Variants in XKR6 observed in about 807,000 individuals in gnomAD.
The protein encoded by XKR6 is XK-related protein 6.
XKR6 carries 22 observed loss-of-function variants against 56.7 expected under a neutral mutation model. The ratio of observed to expected loss-of-function variants is 0.39; its 90% CI spans 0.28 to 0.55. The LOEUF (loss-of-function observed/expected upper bound fraction) is 0.55. Among genes scored for constraint, XKR6 ranks in the 20% least tolerant of loss-of-function variants. XKR6 has a pLI of 0.66. For synonymous variants in XKR6, 524 were observed against 387.8 expected (o/e 1.35, Z -4.13); for missense variants, 852 against 889.0 (o/e 0.96, Z 0.53).
At chr8:11,197,373 A>G (rs1180134700) in intron 1 of XKR6, among the ~76,000 whole-genome samples, 1 of 152,248 alleles carries the variant, frequency 6.6e-6, no homozygotes, top group Non-Finnish European at 1.5e-5. Context: ...AGAAAGGACA[A>G]TAGCAGAAAG....
intron 2 of XKR6, among the ~76,000 whole-genome samples, chr8:10,913,777 G>T (rs982690530): frequency 1.3e-5 from 2 of 152,198 alleles, no homozygotes; most frequent in South Asian, 4.1e-4. Context: ...TGACAGGAAG[G>T]CTGCAGAGGT....
chr8:11,098,884 A>G (rs1381295841), intron 1 of XKR6, among the ~76,000 whole-genome samples: 2 of 152,192 alleles, frequency 1.3e-5, no homozygotes, highest in Non-Finnish European at 2.9e-5. Flanking sequence ...TGCATCTTGG[A>G]AACTTCTGGA....
At chr8:10,997,546 T>C (rs576533938) in intron 1 of XKR6, among the ~76,000 whole-genome samples, 14 of 152,140 alleles carry the variant, frequency 9.2e-5, no homozygotes, top group Non-Finnish European at 1.6e-4. Context: ...ATGTACAGAG[T>C]TTCTCCTTAC....
chr8:11,102,469 G>C (rs1798519395), intron 1 of XKR6, among the ~76,000 whole-genome samples: 1 of 152,162 alleles, frequency 6.6e-6, no homozygotes, highest in South Asian at 2.1e-4. Context: ...AGCTCTCTGA[G>C]AAGACAATTT....
chr8:11,186,973 G>C lies in XKR6; in HGVS notation c.764+13603C>G, dbSNP rs150811976. Among the ~76,000 whole-genome samples, 81 of 152,208 alleles carry C rather than the reference G, an allele frequency of 5.3e-4. No individual in the cohort carries two copies. The East Asian group carries it at 0.015, about 29-fold the overall frequency. Reference sequence around the variant, plus strand: ...CCCAATCACCCTTCAAAAAGAAAGAGAAAAAAACCATGAAAACAGATTGTT... The same window carrying C: ...CCCAATCACCCTTCAAAAAGAAAGACAAAAAAACCATGAAAACAGATTGTT... On this transcript the variant is annotated intron_variant, in intron 1 of 2. Transcript: ENST00000416569.
intron 1 of XKR6, among the ~76,000 whole-genome samples, chr8:11,066,165 C>G (rs1349642619): frequency 6.6e-6 from 1 of 152,246 alleles, no homozygotes; most frequent in African/African-American, 2.4e-5. Context: ...ATCTCTAAGA[C>G]AGCCCTCCCT....
At chr8:11,054,325 T>C (rs28510785) in intron 1 of XKR6, among the ~76,000 whole-genome samples, 19,734 of 152,210 alleles carry the variant, frequency 0.13, 4,133 homozygotes, top group African/African-American at 0.44. Flanking sequence ...ACTACTAACC[T>C]TCCTCTGATG....
At chr8:10,912,460 T>TAG (rs1563284582) in intron 2 of XKR6, among the ~76,000 whole-genome samples, 3 of 120,548 alleles carry the variant, frequency 2.5e-5, no homozygotes, top group African/African-American at 7.5e-5. Flanking sequence ...TATATATATA[T>TAG]ATATATAGAG....
At chr8:11,099,755 G>A (rs1586543397) in intron 1 of XKR6, among the ~76,000 whole-genome samples, 1 of 152,182 alleles carries the variant, frequency 6.6e-6, no homozygotes, top group Non-Finnish European at 1.5e-5. Flanking sequence ...TGCCCTCCCT[G>A]AGCATATATT....
At chr8:11,125,639 G>A (rs576373725) in intron 1 of XKR6, 11 of 152,220 alleles carry the variant, frequency 7.2e-5, no homozygotes, top group African/African-American at 2.6e-4. Flanking sequence ...AGGACAGAGA[G>A]GACTTTTCCC....
chr8:11,081,323 G>C (rs910505891), intron 1 of XKR6, among the ~76,000 whole-genome samples: 4 of 152,136 alleles, frequency 2.6e-5, no homozygotes, highest in African/African-American at 9.7e-5. Flanking sequence ...TTCCTGCAGG[G>C]GTAGAATTAC....
At chr8:10,938,355 C>G (rs890097356) in intron 1 of XKR6, among the ~76,000 whole-genome samples, 1 of 152,204 alleles carries the variant, frequency 6.6e-6, no homozygotes, top group South Asian at 2.1e-4. Flanking sequence ...AGAAATCCCC[C>G]GTCTTCTGCA....
intron 1 of XKR6, among the ~76,000 whole-genome samples, chr8:11,040,675 A>C (rs992163393): frequency 6.6e-6 from 1 of 152,138 alleles, no homozygotes; most frequent in Non-Finnish European, 1.5e-5. Context: ...ATGCCTTCTC[A>C]CTGTGAACAA....
intron 2 of XKR6, among the ~76,000 whole-genome samples, chr8:10,923,969 G>A (rs1800800104): frequency 6.6e-6 from 1 of 152,210 alleles, no homozygotes; most frequent in Non-Finnish European, 1.5e-5. Flanking sequence ...GTTCATGCAT[G>A]GCTCCATGGA....
At chr8:11,107,436 C>T (rs1022097832) in intron 1 of XKR6, among the ~76,000 whole-genome samples, 27 of 152,106 alleles carry the variant, frequency 1.8e-4, no homozygotes, top group African/African-American at 5.8e-4. Flanking sequence ...CCTCCTGCCT[C>T]GGCCTCCCAG....
intron 1 of XKR6, among the ~76,000 whole-genome samples, chr8:11,071,733 T>G (rs1347271538): frequency 6.6e-6 from 1 of 152,132 alleles, no homozygotes; most frequent in Non-Finnish European, 1.5e-5. Context: ...TGTTGTTTGT[T>G]ATGATGGTCT....
chr8:11,089,190 G>C lies in XKR6; in HGVS notation c.764+111386C>G, dbSNP rs145759352. On this transcript the variant is annotated intron_variant, in intron 1 of 2. Transcript: ENST00000416569. The stretch of plus-strand genomic sequence containing the variant: ...GTGGAGGGCCACAAGTGGCCCACCA[G>C]CGTGTTCAGACCTTGTCTGATCTAG... 3.4e-4 allele frequency among the ~76,000 whole-genome samples: 52 copies of C among 152,058 alleles called. No individual in the cohort carries two copies. The East Asian group carries it at 9.7e-3, about 28-fold the overall frequency.
In XKR6 at chr8:11,198,933, T is replaced by C. The variant is rs537802226; in HGVS notation, c.764+1643A>G. Among the ~76,000 whole-genome samples, 4 of 150,860 alleles carry C rather than the reference T, an allele frequency of 2.7e-5. No individual in the cohort carries two copies. In the East Asian group the frequency reaches 7.7e-4, roughly 29 times the overall value. On this transcript the variant is annotated intron_variant, in intron 1 of 2. Transcript: ENST00000416569. ...CAGCCCCCGCCCAAAAAAAAAAAGGTATCTCCAATACCAAACACACTACCT... is the reference window on the plus strand; with the variant it reads ...CAGCCCCCGCCCAAAAAAAAAAAGGCATCTCCAATACCAAACACACTACCT...
intron 1 of XKR6, among the ~76,000 whole-genome samples, chr8:10,979,308 A>C (rs561296123): frequency 6.6e-6 from 1 of 151,988 alleles, no homozygotes; most frequent in African/African-American, 2.4e-5. Context: ...AAGTTAACCG[A>C]ATAATGCTCC....
Sources: gnomAD v4.1 joint callset for allele counts (sites outside exome capture counted in the v4.1 genomes callset) on GRCh38, gnomAD v4.1.1 for gene constraint, MANE v1.5 for transcripts, NCBI Gene and HGNC (gene_info 2026-07-23, HGNC 2026-07-21) for gene names.